ZNF441: variants seen among roughly 807,000 people sequenced by gnomAD.
The protein encoded by ZNF441 is zinc finger protein 441.
ZNF441 carries 25 observed loss-of-function variants against 64.5 expected under a neutral mutation model. The observed-to-expected ratio is 0.39, with a 90% CI of 0.28 to 0.54. The LOEUF (loss-of-function observed/expected upper bound fraction) is 0.54, where lower values mean the gene tolerates loss of function less well. Ranked by LOEUF, ZNF441 falls within the 20% of genes least tolerant of loss-of-function variation. The pLI is 0.70. For missense variants in ZNF441, 715 were observed against 843.3 expected (o/e 0.85, Z 1.88); for synonymous variants, 262 against 268.0 (o/e 0.98, Z 0.22).
rs778717300 is a variant in ZNF441 at position 11,780,555 on chromosome 19, G to A, written c.731G>A (p.Arg244Lys). 1.2e-6 allele frequency: 2 copies of A among 1,614,142 alleles called. No individual in the cohort carries two copies. The highest frequency in any genetic ancestry group is 1.7e-5 in the Admixed American group (1 of 60,012). The change falls in exon 4 of 4, where the codon AGA (arginine) becomes AAA (lysine). Residue 244 changes from arginine (R) to lysine (K), a missense_variant. Around this residue, in one of 2 missense-constraint regions of ZNF441, gnomAD observed 399 missense variants for 413.9 expected, o/e 0.96. Coordinates refer to ENST00000357901, the MANE Select transcript of ZNF441 (RefSeq NM_152355.3). Reference sequence around the variant, plus strand: ...TATAGTTCCACTCTAAGACATGAAAGAACACACAGTGGAGAGAAACCCTAT... The same window carrying A: ...TATAGTTCCACTCTAAGACATGAAAAAACACACAGTGGAGAGAAACCCTAT... The part of the protein sequence containing the change: ...PAYSSTLRHE[R>K]THSGEKPYQC...
chr19:11,775,378 G>C lies in ZNF441; in HGVS notation c.4-2233G>C, dbSNP rs142732037. On this transcript the variant is annotated intron_variant, in intron 1 of 3. Transcript: ENST00000357901. Reference sequence around the variant, plus strand: ...GGAGTCTCGCGCTGTCGCCCAGGCTGGGGTGCAGTGGGGCAATCTCAGCTC... The same window carrying C: ...GGAGTCTCGCGCTGTCGCCCAGGCTCGGGTGCAGTGGGGCAATCTCAGCTC... Among the ~76,000 whole-genome samples, 174 of 152,264 alleles carry C rather than the reference G, an allele frequency of 1.1e-3. 2 individuals are homozygous for C. The highest frequency in any genetic ancestry group is 4.0e-3 in the African/African-American group (166 of 41,544).
intron 1 of ZNF441, among the ~76,000 whole-genome samples, chr19:11,771,862 CT>C (rs1975316616): frequency 6.6e-6 from 1 of 152,210 alleles, no homozygotes; most frequent in Admixed American, 6.5e-5. Flanking sequence ...GAGAAGACTG[CT>C]CCTCCACCTC....
At chr19:11,778,277 C>A in intron 2 of ZNF441, 53 bp from the exon 3 acceptor site, 1 of 1,246,990 alleles carries the variant, frequency 8.0e-7, no homozygotes, top group South Asian at 1.4e-5. Flanking sequence ...ATCTTACAGT[C>A]TTTCTATAAT....
rs1347585674 is a variant in ZNF441 at position 11,781,408 on chromosome 19, G to A, written c.1584G>A (p.Glu528=). The A allele has an allele frequency of 6.2e-7, 1 of 1,614,054 alleles. No individual in the cohort carries two copies. Among genetic ancestry groups the A allele is most frequent in the East Asian group, 2.2e-5 (1 of 44,870 alleles). Residue 528 remains glutamate (E), a synonymous_variant, in exon 4 of 4, where the codon GAG becomes GAA. Coordinates refer to ENST00000357901, the MANE Select transcript of ZNF441 (RefSeq NM_152355.3). The part of the protein sequence containing the change: ...FRRHERIHTG[E]RPYKCKLCGK... ...GACATGAAAGAATTCACACTGGGGAGAGACCCTATAAGTGTAAACTATGTG... is the reference window on the plus strand; with the variant it reads ...GACATGAAAGAATTCACACTGGGGAAAGACCCTATAAGTGTAAACTATGTG...
chr19:11,771,714 G>A (rs2145078213), intron 1 of ZNF441, among the ~76,000 whole-genome samples: 1 of 152,356 alleles, frequency 6.6e-6, no homozygotes, highest in South Asian at 2.1e-4. Context: ...GGGGCTCCTT[G>A]GTCTAGCAGT....
Position 11,767,322 on chromosome 19 carries a change from T to G in ZNF441, c.3+126T>G. 1 of 1,444,872 alleles carries G rather than the reference T, an allele frequency of 6.9e-7. No homozygotes were observed. The highest frequency in any genetic ancestry group is 9.4e-7 in the Non-Finnish European group (1 of 1,059,054). 89.5% of individuals were successfully genotyped at this position (1,444,872 alleles called of 1,614,324 possible). A position where few individuals can be genotyped will look rare whatever the true frequency, so the allele number is the denominator to read the frequency against. On this transcript the variant is annotated intron_variant, in intron 1 of 3. Transcript: ENST00000357901. This position sits in a 1 kb window ranked among gnomAD's most constrained non-coding sequence, Gnocchi z 5.1. ...ACCCTGGCGCAGCTCGGCCCTCGGTTCCCTCGGCCGCACGATGGGGCTGGG... is the reference window on the plus strand; with the variant it reads ...ACCCTGGCGCAGCTCGGCCCTCGGTGCCCTCGGCCGCACGATGGGGCTGGG...
chr19:11,775,491 G>A (rs1568480545), intron 1 of ZNF441, among the ~76,000 whole-genome samples: 1 of 151,818 alleles, frequency 6.6e-6, no homozygotes. Flanking sequence ...CACCACGCCC[G>A]GCTAATTTTT....
At chr19:11,778,805 T>G (rs533807437) in intron 3 of ZNF441, among the ~76,000 whole-genome samples, 2 of 152,312 alleles carry the variant, frequency 1.3e-5, no homozygotes, top group South Asian at 2.1e-4. Context: ...CACCTTAAAT[T>G]TATTTATTCT....
In ZNF441 at chr19:11,782,817, A is replaced by G. The variant is rs1224942526; in HGVS notation, c.*911A>G. 1.3e-5 allele frequency: 2 copies of G among 152,204 alleles called. No homozygotes were observed. Among genetic ancestry groups the G allele is most frequent in the African/African-American group, 4.8e-5 (2 of 41,450 alleles). 9.4% of individuals were successfully genotyped at this position (152,204 alleles called of 1,614,324 possible). A position where few individuals can be genotyped will look rare whatever the true frequency, so the allele number is the denominator to read the frequency against. Reference sequence around the variant, plus strand: ...TTGTACCTGAAGATCACATTCTTTAACAATTGGACCTACTGAATCTGTAAA... The same window carrying G: ...TTGTACCTGAAGATCACATTCTTTAGCAATTGGACCTACTGAATCTGTAAA... On this transcript the variant is annotated 3_prime_UTR_variant, in exon 4 of 4. Coordinates refer to ENST00000357901, the MANE Select transcript of ZNF441 (RefSeq NM_152355.3).
rs766171736 is a variant in ZNF441, at chr19:11,782,773, C to T, written c.*867C>T. 6.6e-6 allele frequency: 1 copy of T among 152,134 alleles called. No homozygotes were observed. Among genetic ancestry groups the T allele is most frequent in the Non-Finnish European group, 1.5e-5 (1 of 68,014 alleles). The allele number at this position is 152,134 out of a possible 1,614,324, so 9.4% of individuals were successfully genotyped here. Reference sequence around the variant, plus strand: ...TTGTTATCCTTCAAGTGACCTGGAGCCTTTGTTGCATGACAGGATTGTACC... The same window carrying T: ...TTGTTATCCTTCAAGTGACCTGGAGTCTTTGTTGCATGACAGGATTGTACC... On this transcript the variant is annotated 3_prime_UTR_variant, in exon 4 of 4. Coordinates refer to ENST00000357901, the MANE Select transcript of ZNF441 (RefSeq NM_152355.3).
Position 11,781,355 on chromosome 19 carries a change from A to C in ZNF441, c.1531A>C (p.Ser511Arg), listed in dbSNP as rs1348863882. Residue 511 changes from serine to arginine, a missense_variant, in exon 4 of 4, where the codon AGC (serine) becomes CGC (arginine). By Grantham distance (110) the Ser-to-Arg change is moderately radical. This residue lies in a region of ZNF441 where 316 missense variants were observed against 429.3 expected (regional missense o/e 0.74). Transcript: ENST00000357901. ...GPHKCKICGK[S>R]FDSPSSFRRH... ...TCATAAATGTAAGATATGTGGGAAA[A>C]GCTTTGATTCTCCCAGTTCATTTCG... The C allele has an allele frequency of 1.2e-6, 2 of 1,611,104 alleles. No individual in the cohort carries two copies. The highest frequency in any genetic ancestry group is 1.7e-6 in the Non-Finnish European group (2 of 1,179,194).
intron 1 of ZNF441, among the ~76,000 whole-genome samples, chr19:11,768,225 A>G (rs1398728848): frequency 6.6e-6 from 1 of 152,098 alleles, no homozygotes; most frequent in Non-Finnish European, 1.5e-5. Flanking sequence ...ATTCACAGCA[A>G]CTTTATGAAC....
Position 11,781,471 on chromosome 19 carries a change from T to G in ZNF441, c.1647T>G (p.His549Gln). ...GFRSSSYIQL[H>Q]ERTHTGEKPY... is the part of the protein sequence containing the mutation. ...GGTCTTCCAGTTACATTCAACTACA[T>G]GAAAGGACTCACACTGGAGAGAAAC... Residue 549 changes from histidine (H) to glutamine (Q), a missense_variant, in exon 4 of 4, where the codon CAT becomes CAG. Physicochemically the swap from His to Gln is conservative, Grantham distance 24. This residue lies in a region of ZNF441 where 316 missense variants were observed against 429.3 expected (regional missense o/e 0.74). Coordinates refer to ENST00000357901, the MANE Select transcript of ZNF441 (RefSeq NM_152355.3). 1.2e-6 allele frequency: 2 copies of G among 1,614,090 alleles called. No individual in the cohort carries two copies. Among genetic ancestry groups the G allele is most frequent in the South Asian group, 2.2e-5 (2 of 91,072 alleles).
rs1417726909 is a variant in ZNF441 at position 11,780,436 on chromosome 19, C to T, written c.612C>T (p.Ala204=). 6.2e-7 allele frequency: 1 copy of T among 1,614,164 alleles called. No homozygotes were observed. The highest frequency in any genetic ancestry group is 1.7e-5 in the Admixed American group (1 of 60,020). The part of the protein sequence containing the change: ...GPRICKLCGN[A]FIWPSLFHML... ...GTATATGTAAGTTGTGTGGAAACGC[C>T]TTTATTTGGCCTAGTTTATTTCATA... Residue 204 remains alanine (A), a synonymous_variant, in exon 4 of 4, where the codon GCC becomes GCT. Transcript: ENST00000357901.
chr19:11,778,702 C>T (rs1301048734), intron 3 of ZNF441, among the ~76,000 whole-genome samples: 2 of 152,174 alleles, frequency 1.3e-5, no homozygotes, highest in Non-Finnish European at 2.9e-5. Context: ...AAGCGTTCCT[C>T]CTGCCTTGGC....
chr19:11,777,904 C>T, intron 2 of ZNF441, 167 bp downstream of exon 2: 1 of 614,338 alleles, frequency 1.6e-6, no homozygotes, highest in Non-Finnish European at 2.7e-6. Context: ...TAGTAGCCTA[C>T]TGTTTACTGG....
At position 11,780,937 on chromosome 19, in the gene ZNF441, A is replaced by G. The variant is rs762842680; in HGVS notation, c.1113A>G (p.Lys371=). The G allele has an allele frequency of 3.1e-6, 5 of 1,613,992 alleles. No homozygotes were observed. The South Asian group carries it at 5.5e-5, about 18-fold the overall frequency. The change falls in exon 4 of 4, where the codon AAA becomes AAG. Residue 371 remains lysine (K), a synonymous_variant. Transcript: ENST00000357901. ...CTCATAAATGCAAGGTATGTGGGAA[A>G]GCCTTTGATTCTCCCAGTTTATGTC... is the stretch of plus-strand genomic sequence containing the variant. ...DGPHKCKVCG[K]AFDSPSLCRR...
At chr19:11,777,534 G>A in intron 1 of ZNF441, 77 bp from the exon 2 acceptor site, 1 of 1,508,864 alleles carries the variant, frequency 6.6e-7, no homozygotes, top group Non-Finnish European at 9.0e-7. Flanking sequence ...AGCATCATGT[G>A]AAGGTTATGA....
At position 11,767,440 on chromosome 19, in the gene ZNF441, A is replaced by G. The variant is rs1975279635; in HGVS notation, c.3+244A>G. ...CCTGTCTGGGCAGCTCCGCGCCCGC[A>G]GTCCTGCGTCTCCCCAGATTGTGCG... On this transcript the variant is annotated intron_variant, in intron 1 of 3. Transcript: ENST00000357901. This position sits in a 1 kb window ranked among gnomAD's most constrained non-coding sequence, Gnocchi z 5.1. Among the ~76,000 whole-genome samples, 1 of 152,244 alleles carries G rather than the reference A, an allele frequency of 6.6e-6. No homozygotes were observed. The highest frequency in any genetic ancestry group is 6.5e-5 in the Admixed American group (1 of 15,288).
Sources: gnomAD v4.1 joint callset for allele counts (sites outside exome capture counted in the v4.1 genomes callset) on GRCh38, gnomAD v4.1.1 for gene constraint, gnomAD v4.1.1 regional missense constraint, Gnocchi (gnomAD v3.1) non-coding constraint, MANE v1.5 for transcripts, NCBI Gene and HGNC (gene_info 2026-07-23, HGNC 2026-07-21) for gene names.